Variants in MAN2A1 observed in about 807,000 individuals in gnomAD.
MAN2A1 encodes mannosidase alpha class 2A member 1.
Under a neutral mutation model 142.6 loss-of-function variants are expected in MAN2A1, and 76 were observed. That is an observed-to-expected ratio of 0.53 (90% CI 0.44 to 0.65). The LOEUF (loss-of-function observed/expected upper bound fraction) is 0.65. MAN2A1 is among the 30% of genes least tolerant of loss of function. The pLI, the probability that MAN2A1 is intolerant of heterozygous loss-of-function variation, is 0.00. For synonymous variants in MAN2A1, 559 were observed against 473.2 expected (o/e 1.18, Z -2.35); for missense variants, 1,311 against 1,365.1 (o/e 0.96, Z 0.62).
chr5:109,804,078 C>T (rs1754100619), intron 12 of MAN2A1: 1 of 692,492 alleles, frequency 1.4e-6, no homozygotes, highest in African/African-American at 1.9e-5. Flanking sequence ...CAGTTCAGAA[C>T]ATAGACTAAA....
chr5:109,855,113 T>C, intron 19 of MAN2A1, 27 bp from the exon 20 acceptor site: 1 of 1,388,646 alleles, frequency 7.2e-7, no homozygotes, highest in Non-Finnish European at 9.7e-7. Flanking sequence ...TATAGACCTC[T>C]TAAACATTTT....
chr5:109,725,383 G>T (rs1229832103), intron 3 of MAN2A1, among the ~76,000 whole-genome samples: 1 of 152,084 alleles, frequency 6.6e-6, no homozygotes, highest in Non-Finnish European at 1.5e-5. Context: ...TGATTGAAGC[G>T]GTCCTGGTGC....
At chr5:109,846,042 G>T in intron 18 of MAN2A1, 36 bp downstream of exon 18, 2 of 1,555,586 alleles carry the variant, frequency 1.3e-6, no homozygotes, top group Non-Finnish European at 1.7e-6. Context: ...ACTCTGAAAG[G>T]TTTCAATTCC....
chr5:109,802,817 A>G lies in MAN2A1; in HGVS notation c.1943+13290A>G, dbSNP rs79958372. 9.0e-3 allele frequency among the ~76,000 whole-genome samples: 1,366 copies of G among 151,446 alleles called. 20 individuals are homozygous for G. The highest frequency in any genetic ancestry group is 0.031 in the African/African-American group (1,283 of 41,332). ...GTTGTAGCTTCCTAATTATACTTCA[A>G]GCTTCCCTCATCATCTGAATTCATT... On this transcript the variant is annotated intron_variant, in intron 12 of 21. Transcript: ENST00000261483.
chr5:109,818,599 A>T (rs1178425256), intron 13 of MAN2A1, among the ~76,000 whole-genome samples: 2 of 152,144 alleles, frequency 1.3e-5, no homozygotes, highest in Non-Finnish European at 2.9e-5. Flanking sequence ...CTTGTTTAAT[A>T]TTTATATTAT....
chr5:109,809,100 A>G (rs914338006), intron 12 of MAN2A1, among the ~76,000 whole-genome samples: 1 of 152,178 alleles, frequency 6.6e-6, no homozygotes, highest in African/African-American at 2.4e-5. Flanking sequence ...TAAATGCTAG[A>G]TATAAGAAAT....
chr5:109,833,530 C>T (rs898760465), intron 16 of MAN2A1, among the ~76,000 whole-genome samples: 40 of 152,182 alleles, frequency 2.6e-4, no homozygotes, highest in Middle Eastern at 3.4e-3. Context: ...ACCAGTCAGG[C>T]GTGGAGGCGT....
intron 12 of MAN2A1, among the ~76,000 whole-genome samples, chr5:109,805,126 C>T (rs1349631930): frequency 1.3e-5 from 2 of 152,070 alleles, no homozygotes; most frequent in East Asian, 1.9e-4. Flanking sequence ...TTAGGTAAAA[C>T]AGATGGTATT....
chr5:109,811,074 C>T (rs35164357), intron 12 of MAN2A1, among the ~76,000 whole-genome samples: 26,162 of 151,450 alleles, frequency 0.17, 3,223 homozygotes, highest in East Asian at 0.64. Flanking sequence ...AATCTGTCAG[C>T]CTTTTACTTC....
chr5:109,823,000 A>C (rs1306940052), intron 15 of MAN2A1, among the ~76,000 whole-genome samples: 1 of 152,212 alleles, frequency 6.6e-6, no homozygotes, highest in African/African-American at 2.4e-5. Context: ...CTGTTTAAGT[A>C]GTTCATATTG....
At chr5:109,709,127 C>G (rs974352376) in intron 1 of MAN2A1, among the ~76,000 whole-genome samples, 2 of 151,554 alleles carry the variant, frequency 1.3e-5, no homozygotes, top group African/African-American at 4.9e-5. Flanking sequence ...AAGTTGAACC[C>G]CAAATTAACC....
Position 109,817,314 on chromosome 5 carries a change from C to T in MAN2A1, c.1985C>T (p.Ser662Leu), listed in dbSNP as rs746252123. The T allele has an allele frequency of 6.2e-7, 1 of 1,614,078 alleles. No individual in the cohort carries two copies. The highest frequency in any genetic ancestry group is 8.5e-7 in the Non-Finnish European group (1 of 1,179,986). Residue 662 changes from serine to leucine, a missense_variant, in exon 13 of 22, where the codon TCG becomes TTG. By Grantham distance (145) the Ser-to-Leu change is moderately radical. Transcript: ENST00000261483. ...VYNPLEQDRI[S>L]LVSVYVSSPT... ...AATCCTTTAGAACAAGACCGAATCT[C>T]GTTGGTCTCAGTCTATGTGAGTTCC...
At chr5:109,718,582 A>G (rs574624158) in intron 3 of MAN2A1, among the ~76,000 whole-genome samples, 4 of 152,318 alleles carry the variant, frequency 2.6e-5, no homozygotes, top group Admixed American at 1.3e-4. Flanking sequence ...CACTCTCCTC[A>G]TGGCCTAGCT....
chr5:109,795,271 T>C (rs1753830724), intron 12 of MAN2A1, among the ~76,000 whole-genome samples: 1 of 152,178 alleles, frequency 6.6e-6, no homozygotes, highest in African/African-American at 2.4e-5. Flanking sequence ...GCTCCACCTT[T>C]GTTCCAGTCC....
intron 1 of MAN2A1, among the ~76,000 whole-genome samples, chr5:109,703,724 G>T (rs1196093215): frequency 6.6e-6 from 1 of 152,142 alleles, no homozygotes; most frequent in Non-Finnish European, 1.5e-5. Context: ...GTTATTAAAT[G>T]GATTTGTAAG....
At position 109,716,212 on chromosome 5, in the gene MAN2A1, G is replaced by A; in HGVS notation, c.483G>A (p.Trp161Ter). The A allele has an allele frequency of 1.9e-6, 3 of 1,611,142 alleles. No individual in the cohort carries two copies. The highest frequency in any genetic ancestry group is 2.5e-6 in the Non-Finnish European group (3 of 1,178,270). ...ACATTACTTATGAATCTAATGAATG[G>A]GACACTGAACCCCTTCAAGTCTTTG... ...GFDITYESNE[W>*]DTEPLQVFVV... The change falls in exon 3 of 22, where the codon TGG (tryptophan) becomes TGA (stop). Residue 161 changes from tryptophan (W) to a stop codon, truncating the protein, a stop_gained. Transcript: ENST00000261483. LOFTEE classifies it high-confidence loss of function.
intron 9 of MAN2A1, 21 bp from the exon 10 acceptor site, chr5:109,784,723 A>G: frequency 6.6e-7 from 1 of 1,525,400 alleles, no homozygotes; most frequent in South Asian, 1.3e-5. Context: ...TAAAATAAAA[A>G]TATGACTTTT....
intron 1 of MAN2A1, among the ~76,000 whole-genome samples, chr5:109,700,732 G>T (rs1750956162): frequency 6.6e-6 from 1 of 152,006 alleles, no homozygotes; most frequent in African/African-American, 2.4e-5. Context: ...TCAGATAAGG[G>T]CACCGAGTCA....
At chr5:109,846,401 T>C (rs1755345825) in intron 18 of MAN2A1, among the ~76,000 whole-genome samples, 1 of 152,188 alleles carries the variant, frequency 6.6e-6, no homozygotes, top group Non-Finnish European at 1.5e-5. Flanking sequence ...TTAGGTCCTT[T>C]TCTGAATCAT....
Sources: gnomAD v4.1 joint callset for allele counts (sites outside exome capture counted in the v4.1 genomes callset) on GRCh38, gnomAD v4.1.1 for gene constraint, MANE v1.5 for transcripts, NCBI Gene and HGNC (gene_info 2026-07-23, HGNC 2026-07-21) for gene names.